Variants in TRIM44 observed in about 807,000 individuals in gnomAD.
TRIM44 encodes the protein tripartite motif-containing protein 44.
A neutral mutation model predicts 37.4 loss-of-function variants in TRIM44; 13 were observed. The ratio of observed to expected loss-of-function variants is 0.35; its 90% confidence interval spans 0.23 to 0.55. The LOEUF is 0.55. Among genes scored for constraint, TRIM44 ranks in the 20% least tolerant of loss-of-function variants. The probability of loss-of-function intolerance (pLI) is 0.89; values close to 1 mark genes in which losing one functional copy is unlikely to be tolerated. For synonymous variants in TRIM44, 175 were observed against 157.2 expected (o/e 1.11, Z -0.85); for missense variants, 426 against 437.2 (o/e 0.97, Z 0.23).
At chr11:35,741,627 T>C (rs1852397849) in intron 4 of TRIM44, among the ~76,000 whole-genome samples, 1 of 152,218 alleles carries the variant, frequency 6.6e-6, no homozygotes, top group Non-Finnish European at 1.5e-5. Flanking sequence ...GGTTTAACTC[T>C]AATCAATTTG....
intron 2 of TRIM44, among the ~76,000 whole-genome samples, chr11:35,710,772 C>T (rs1851960108): frequency 6.6e-6 from 1 of 152,170 alleles, no homozygotes; most frequent in Admixed American, 6.5e-5. Flanking sequence ...GGGTAACTTC[C>T]CTTGTTTTCA....
intron 4 of TRIM44, among the ~76,000 whole-genome samples, chr11:35,755,446 C>CT (rs1312955149): frequency 6.6e-6 from 1 of 152,040 alleles, no homozygotes; most frequent in Non-Finnish European, 1.5e-5. Context: ...ATCTCCCATT[C>CT]TGTAGGTTGC....
chr11:35,680,273 A>G (rs559536598), intron 1 of TRIM44, among the ~76,000 whole-genome samples: 1 of 152,184 alleles, frequency 6.6e-6, no homozygotes, highest in Non-Finnish European at 1.5e-5. Context: ...GTTTTTTAGT[A>G]TGCTAAATCT....
At chr11:35,760,004 C>G (rs565816343) in intron 4 of TRIM44, among the ~76,000 whole-genome samples, 1 of 152,354 alleles carries the variant, frequency 6.6e-6, no homozygotes, top group Non-Finnish European at 1.5e-5. Flanking sequence ...GGGAGAACCA[C>G]TACTCTCTTC....
intron 1 of TRIM44, among the ~76,000 whole-genome samples, chr11:35,669,859 G>A (rs1316277803): frequency 6.6e-6 from 1 of 151,946 alleles, no homozygotes; most frequent in Non-Finnish European, 1.5e-5. Flanking sequence ...GCCTCATTCT[G>A]TTGCCCAGGA....
rs1852172463 is a variant in TRIM44 at position 35,726,161 on chromosome 11, G to A, written c.985G>A (p.Glu329Lys). 6.2e-7 allele frequency: 1 copy of A among 1,613,338 alleles called. No homozygotes were observed. The highest frequency in any genetic ancestry group is 8.5e-7 in the Non-Finnish European group (1 of 1,179,574). Reference protein sequence around the residue: ...TSNESAEPKAEGDEEGPSGAS... With the variant: ...TSNESAEPKAKGDEEGPSGAS... ...TAATGAATCAGCTGAGCCAAAGGCA[G>A]AGGTAAAGGAAAAGCCCATAATTAT... Residue 329 changes from glutamate to lysine, a missense_variant and splice_region_variant, in exon 3 of 5, where the codon GAG (glutamate) becomes AAG (lysine). This residue lies in a region of TRIM44 where 95 missense variants were observed against 134.2 expected (regional missense o/e 0.71). Transcript: ENST00000299413.
At position 35,792,111 on chromosome 11, in the gene TRIM44, A is replaced by ACACACACACACACACACACACTCT. The variant is rs796092540; in HGVS notation, c.1008-14246_1008-14245insACACACACACACACACACACTCTC. 5.5e-3 allele frequency among the ~76,000 whole-genome samples: 631 copies of ACACACACACACACACACACACTCT among 114,214 alleles called. 11 individuals carry two copies. The highest frequency in any genetic ancestry group is 0.011 in the Admixed American group (136 of 11,956). 74.9% of individuals were successfully genotyped at this position (114,214 alleles called of 152,430 possible). A position where few individuals can be genotyped will look rare whatever the true frequency, so the allele number is the denominator to read the frequency against. ...CACACACACACACACACACACACACACTCTCTCTCATCATTCTCTATTCCA... is the reference window on the plus strand; with the variant it reads ...CACACACACACACACACACACACACACACACACACACACACACACACTCTCTCTCTCTCATCATTCTCTATTCCA... On this transcript the variant is annotated intron_variant, in intron 4 of 4. Coordinates refer to ENST00000299413, the MANE Select transcript of TRIM44 (RefSeq NM_017583.6).
chr11:35,693,230 TCCA>T (rs1486540499), intron 2 of TRIM44, among the ~76,000 whole-genome samples: 1 of 152,178 alleles, frequency 6.6e-6, no homozygotes, highest in Non-Finnish European at 1.5e-5. Context: ...TTGTAGTTCA[TCCA>T]CAAAGACTCA....
rs770076577 is a variant in TRIM44, at chr11:35,806,318, G to C, written c.1008-40G>C. The C allele has an allele frequency of 2.5e-6, 4 of 1,612,800 alleles. No individual in the cohort carries two copies. The Admixed American group carries it at 5.0e-5, about 20-fold the overall frequency. ...AGTAGACTAGGCTGCCTCCCTTCTT[G>C]TGATATCTTAACTCACCTGGTTCTC... On this transcript the variant is annotated intron_variant, in intron 4 of 4. Transcript: ENST00000299413.
At chr11:35,766,801 G>A (rs1196402906) in intron 4 of TRIM44, among the ~76,000 whole-genome samples, 2 of 152,176 alleles carry the variant, frequency 1.3e-5, no homozygotes, top group African/African-American at 4.8e-5. Flanking sequence ...AAAAAATGAG[G>A]TTGACTTGTG....
intron 4 of TRIM44, among the ~76,000 whole-genome samples, chr11:35,798,743 G>T (rs1329404622): frequency 6.6e-6 from 1 of 152,164 alleles, no homozygotes; most frequent in Non-Finnish European, 1.5e-5. Context: ...TAATCTTACA[G>T]AAATATATTT....
chr11:35,756,660 A>G (rs921609871), intron 4 of TRIM44, among the ~76,000 whole-genome samples: 1 of 152,152 alleles, frequency 6.6e-6, no homozygotes, highest in Non-Finnish European at 1.5e-5. Flanking sequence ...GATAGCTCTT[A>G]TTATTTCAAG....
chr11:35,682,083 C>T (rs575593861), intron 1 of TRIM44, among the ~76,000 whole-genome samples: 36 of 151,628 alleles, frequency 2.4e-4, no homozygotes, highest in South Asian at 1.3e-3. Context: ...CTCAGCCTCC[C>T]GAGTAGCTGG....
chr11:35,752,566 A>C (rs966010764), intron 4 of TRIM44, among the ~76,000 whole-genome samples: 1 of 151,596 alleles, frequency 6.6e-6, no homozygotes, highest in African/African-American at 2.4e-5. Context: ...CTCTCGAGTC[A>C]GTCTCTTTTG....
intron 2 of TRIM44, 125 bp downstream of exon 2, chr11:35,685,461 C>T: frequency 1.3e-6 from 1 of 762,846 alleles, no homozygotes; most frequent in Non-Finnish European, 2.2e-6. Context: ...TAAGCCTGCC[C>T]ATCAGAAACA....
intron 2 of TRIM44, among the ~76,000 whole-genome samples, chr11:35,716,565 A>C (rs1414100546): frequency 6.6e-6 from 1 of 152,206 alleles, no homozygotes; most frequent in African/African-American, 2.4e-5. Flanking sequence ...TCTGACCTTC[A>C]GTCAGAATGT....
At chr11:35,682,819 G>T (rs1304134485) in intron 1 of TRIM44, among the ~76,000 whole-genome samples, 3 of 152,190 alleles carry the variant, frequency 2.0e-5, no homozygotes, top group African/African-American at 7.2e-5. Flanking sequence ...ACATCTGCTT[G>T]CAGACAGGCT....
At chr11:35,738,520 CAG>C (rs1564988605) in intron 4 of TRIM44, among the ~76,000 whole-genome samples, 1 of 152,090 alleles carries the variant, frequency 6.6e-6, no homozygotes, top group Non-Finnish European at 1.5e-5. Flanking sequence ...GAGGAGGAGT[CAG>C]ATTTTCTTTT....
intron 1 of TRIM44, among the ~76,000 whole-genome samples, chr11:35,667,122 T>C (rs769512681): frequency 9.9e-5 from 15 of 152,216 alleles, no homozygotes; most frequent in South Asian, 2.1e-4. Flanking sequence ...AAAATAGATA[T>C]GTTTTATCAG....
Sources: allele counts gnomAD v4.1 joint callset (sites outside exome capture counted in the v4.1 genomes callset), GRCh38; gene constraint gnomAD v4.1.1; regional missense constraint gnomAD v4.1.1; transcripts MANE v1.5; gene names NCBI Gene and HGNC (gene_info 2026-07-23, HGNC 2026-07-21).